Variants in CACNA1C observed in about 807,000 individuals in gnomAD.
CACNA1C encodes calcium voltage-gated channel subunit alpha1 C, also known as voltage-dependent L-type calcium channel subunit alpha-1C.
In CACNA1C, 30 loss-of-function variants were observed where a neutral mutation model predicts 229.0. The ratio of observed to expected loss-of-function variants is 0.13; its 90% confidence interval spans 0.10 to 0.18. The LOEUF (loss-of-function observed/expected upper bound fraction) is 0.18, where lower values mean the gene tolerates loss of function less well. Ranked by LOEUF, CACNA1C falls within the 10% of genes least tolerant of loss-of-function variation. The pLI is 1.00. For missense variants in CACNA1C, 1,658 were observed against 2,845.0 expected, an observed-to-expected ratio of 0.58 and a Z score of 9.49; for synonymous variants, 1,114 against 1,132.5, an observed-to-expected ratio of 0.98 and a Z score of 0.33.
rs558136128 is a variant in CACNA1C at position 2,152,813 on chromosome 12, G to A, written c.477+32383G>A. On this transcript the variant is annotated intron_variant, in intron 3 of 46. Coordinates refer to ENST00000399655, the MANE Select transcript of CACNA1C (RefSeq NM_000719.7). This position sits in a 1 kb window ranked among gnomAD's most constrained non-coding sequence, Gnocchi z 4.2. Reference sequence around the variant, plus strand: ...CCTTGTTTCTCCTCCTCCTCTTTCCGTTTCCCATGTCACCCACAGGACTGG... The same window carrying A: ...CCTTGTTTCTCCTCCTCCTCTTTCCATTTCCCATGTCACCCACAGGACTGG... Among the ~76,000 whole-genome samples, 8 of 152,244 alleles carry A rather than the reference G, an allele frequency of 5.3e-5. No homozygotes were observed. The South Asian group carries it at 8.3e-4, about 16-fold the overall frequency.
At chr12:2,356,387 G>A (rs1032923546) in intron 3 of CACNA1C, among the ~76,000 whole-genome samples, 4 of 152,248 alleles carry the variant, frequency 2.6e-5, no homozygotes, top group African/African-American at 9.6e-5. Context: ...GTGCAGGACT[G>A]TCCAGAGTCT....
rs780053955 is a variant in CACNA1C at position 2,581,571 on chromosome 12, C to T, written c.1896-19C>T. The stretch of plus-strand genomic sequence containing the variant: ...ACAGCAAGGGGCAGAGTGCTGACCT[C>T]CCTCCTGTTGGCTCTCAGGTACTGG... On this transcript the variant is annotated intron_variant, in intron 13 of 46. Transcript: ENST00000399655. The T allele has an allele frequency of 6.5e-7, 1 of 1,542,932 alleles. No homozygotes were observed. The highest frequency in any genetic ancestry group is 1.2e-5 in the South Asian group (1 of 82,366).
At chr12:2,574,165 C>T (rs906772119) in intron 13 of CACNA1C, among the ~76,000 whole-genome samples, 9 of 152,182 alleles carry the variant, frequency 5.9e-5, no homozygotes, top group African/African-American at 2.2e-4. Flanking sequence ...GATTCCTGCT[C>T]ATTGAAAACA....
intron 13 of CACNA1C, among the ~76,000 whole-genome samples, chr12:2,570,438 A>G (rs1302825239): frequency 6.6e-6 from 1 of 152,078 alleles, no homozygotes; most frequent in Non-Finnish European, 1.5e-5. Context: ...AAAGTGTTTC[A>G]TTTAGTGCAC....
intron 1 of CACNA1C, among the ~76,000 whole-genome samples, chr12:2,042,419 A>G (rs1225219311): frequency 2.6e-5 from 4 of 152,342 alleles, no homozygotes; most frequent in Middle Eastern, 3.4e-3. Flanking sequence ...GCAAAACAAC[A>G]TATTTACATT....
chr12:2,055,382 A>G (rs2054277259), intron 1 of CACNA1C, among the ~76,000 whole-genome samples: 1 of 152,232 alleles, frequency 6.6e-6, no homozygotes, highest in Non-Finnish European at 1.5e-5. Context: ...TATTGCCCTA[A>G]GTATCACTGT....
chr12:2,655,346 G>T (rs2095357220), intron 34 of CACNA1C, 108 bp downstream of exon 34: 2 of 667,446 alleles, frequency 3.0e-6, no homozygotes, highest in Non-Finnish European at 5.2e-6. Context: ...AGTAGGAAGG[G>T]AGAGGATGTG....
In CACNA1C at chr12:2,414,132, C is replaced by CT. The variant is rs138137268; in HGVS notation, c.478-34843dup. Among the ~76,000 whole-genome samples, 6 of 152,078 alleles carry CT rather than the reference C, an allele frequency of 3.9e-5. No homozygotes were observed. In the East Asian group the frequency reaches 9.7e-4, roughly 24 times the overall value. ...GGACCCGGGATAAGTGGCGTAATCTCTGAGTTTTAGTTGCCTTATCTGTAA... is the reference window on the plus strand; with the variant it reads ...GGACCCGGGATAAGTGGCGTAATCTCTTGAGTTTTAGTTGCCTTATCTGTAA... On this transcript the variant is annotated intron_variant, in intron 3 of 46. Transcript: ENST00000399655.
intron 4 of CACNA1C, among the ~76,000 whole-genome samples, chr12:2,457,130 A>G (rs1029459326): frequency 1.3e-5 from 2 of 152,196 alleles, no homozygotes; most frequent in African/African-American, 4.8e-5. Flanking sequence ...GGAACAAGTC[A>G]AAGAGGGGGG....
At chr12:2,574,642 A>G (rs1333014895) in intron 13 of CACNA1C, among the ~76,000 whole-genome samples, 1 of 152,178 alleles carries the variant, frequency 6.6e-6, no homozygotes, top group Non-Finnish European at 1.5e-5. Context: ...CACATCTCCC[A>G]GGCTCGAAAT....
At chr12:2,525,799 T>C (rs1392270196) in intron 9 of CACNA1C, among the ~76,000 whole-genome samples, 1 of 152,162 alleles carries the variant, frequency 6.6e-6, no homozygotes, top group African/African-American at 2.4e-5. Flanking sequence ...CCAGAAGAGA[T>C]TTCTACCCTC....
At chr12:2,590,874 A>G (rs777961785) in intron 18 of CACNA1C, among the ~76,000 whole-genome samples, 4 of 152,204 alleles carry the variant, frequency 2.6e-5, no homozygotes, top group Admixed American at 6.5e-5. Context: ...GAATACAAAC[A>G]CCTAGGCAGG....
chr12:2,542,435 G>A (rs2154591444), intron 9 of CACNA1C, among the ~76,000 whole-genome samples: 1 of 152,348 alleles, frequency 6.6e-6, no homozygotes, highest in African/African-American at 2.4e-5. Context: ...TGAGGCTTGT[G>A]TGCTCTGACA....
rs757029407 is a variant in CACNA1C, at chr12:2,504,914, G to A, written c.1186G>A (p.Val396Ile). The stretch of plus-strand genomic sequence containing the variant: ...ACTAATCATCATAGGGTCATTTTTT[G>A]TACTTAACTTGGTTCTCGGTGTGCT... ...VTLIIIGSFF[V>I]LNLVLGVLSG... The change falls in exon 8 of 47, where the codon GTA becomes ATA. Residue 396 changes from valine (V) to isoleucine (I), a missense_variant. Physicochemically the swap from Val to Ile is conservative, Grantham distance 29. This residue lies in a region of CACNA1C where 84 missense variants were observed against 202.6 expected (regional missense o/e 0.41). Transcript: ENST00000399655. The surrounding 1 kb of genome is among the most constrained non-coding windows in gnomAD (Gnocchi z 6.8). The A allele has an allele frequency of 4.4e-6, 7 of 1,603,246 alleles. No individual in the cohort carries two copies. Among genetic ancestry groups the A allele is most frequent in the Middle Eastern group, 1.6e-4 (1 of 6,064 alleles).
At chr12:2,546,668 A>G (rs1402755600) in intron 9 of CACNA1C, among the ~76,000 whole-genome samples, 2 of 152,188 alleles carry the variant, frequency 1.3e-5, no homozygotes, top group African/African-American at 4.8e-5. Flanking sequence ...TCTCCTCTTC[A>G]GCTGTAGCCG....
intron 3 of CACNA1C, among the ~76,000 whole-genome samples, chr12:2,264,521 T>G (rs2081562738): frequency 6.6e-6 from 1 of 152,240 alleles, no homozygotes; most frequent in Non-Finnish European, 1.5e-5. Context: ...GGCAAATCAC[T>G]TAACCCTTGC....
intron 3 of CACNA1C, among the ~76,000 whole-genome samples, chr12:2,159,518 A>G (rs2095729160): frequency 6.6e-6 from 1 of 151,838 alleles, no homozygotes; most frequent in Non-Finnish European, 1.5e-5. Flanking sequence ...AATAAATTAA[A>G]TGTATGCATA....
chr12:2,619,026 CA>C, intron 29 of CACNA1C, among the ~76,000 whole-genome samples: 1 of 152,278 alleles, frequency 6.6e-6, no homozygotes, highest in East Asian at 1.9e-4. Context: ...TTAATTTTTA[CA>C]AAGCAAATTT....
Position 2,140,036 on chromosome 12 carries a change from C to T in CACNA1C, c.477+19606C>T, listed in dbSNP as rs773044278. ...GGATGAGCAGCTCTTGGTGGACCAG[C>T]GGTGACCCAGGCAGCTCCTGGTGCT... is the stretch of plus-strand genomic sequence containing the variant. On this transcript the variant is annotated intron_variant, in intron 3 of 46. Transcript: ENST00000399655. Among the ~76,000 whole-genome samples, 7 of 151,342 alleles carry T rather than the reference C, an allele frequency of 4.6e-5. 1 individual carries two copies. The highest frequency in any genetic ancestry group is 1.9e-4 in the East Asian group (1 of 5,194).
Sources: gnomAD v4.1 joint callset for allele counts (sites outside exome capture counted in the v4.1 genomes callset) on GRCh38, gnomAD v4.1.1 for gene constraint, gnomAD v4.1.1 regional missense constraint, Gnocchi (gnomAD v3.1) non-coding constraint, MANE v1.5 for transcripts, NCBI Gene and HGNC (gene_info 2026-07-23, HGNC 2026-07-21) for gene names.